KDM5C: variants seen among roughly 807,000 people sequenced by gnomAD.
KDM5C encodes lysine demethylase 5C.
In KDM5C, 16 loss-of-function variants were observed where a neutral mutation model predicts 110.6. That is an observed-to-expected ratio of 0.14 (90% CI 0.10 to 0.22). KDM5C has a LOEUF of 0.22. Ranked by LOEUF, KDM5C falls within the 10% of genes least tolerant of loss-of-function variation. The pLI, the probability that KDM5C is intolerant of heterozygous loss-of-function variation, is 1.00. For synonymous variants in KDM5C, 511 were observed against 520.4 expected, an observed-to-expected ratio of 0.98 and a Z score of 0.24; for missense variants, 681 against 1,300.9, an observed-to-expected ratio of 0.52 and a Z score of 7.33.
intron 25 of KDM5C, among the ~76,000 whole-genome samples, chrX:53,181,727 T>C (rs1328644167): frequency 1.1e-5 from 1 of 94,647 alleles, no homozygotes; most frequent in Non-Finnish European, 2.1e-5. Context: ...ACCTCCATAA[T>C]ATGTGAGAAC....
chrX:53,194,045 GA>G, intron 23 of KDM5C, 93 bp downstream of exon 23: 4 of 1,109,659 alleles, frequency 3.6e-6, no homozygotes, highest in Non-Finnish European at 3.7e-6. Context: ...AAAGAAAACT[GA>G]AAATTGGAGA....
In KDM5C at chrX:53,194,427, T is replaced by C; in HGVS notation, c.3750A>G (p.Ser1250=). 1 of 1,210,522 alleles carries C rather than the reference T, an allele frequency of 8.3e-7. No individual in the cohort carries two copies. Among genetic ancestry groups the C allele is most frequent in the Non-Finnish European group, 1.1e-6 (1 of 894,525 alleles). Reference sequence around the variant, plus strand: ...GGATGGTCTCCAGGCGCGGGCGCCTTGAGCGCATACACAGTGGACACAGGA... The same window carrying C: ...GGATGGTCTCCAGGCGCGGGCGCCTCGAGCGCATACACAGTGGACACAGGA... ...TKFLCPLCMR[S]RRPRLETILA... The change falls in exon 23 of 26, where the codon TCA becomes TCG. Residue 1250 remains serine (S), a synonymous_variant. Transcript: ENST00000375401.
At chrX:53,206,941 G>A (rs1267164051) in intron 12 of KDM5C, among the ~76,000 whole-genome samples, 3 of 102,093 alleles carry the variant, frequency 2.9e-5, no homozygotes, top group South Asian at 4.5e-4. Flanking sequence ...TTGGGAGGCC[G>A]AGGCAGGAGG....
At chrX:53,206,863 CAAAAAAAAAAAAAAAAA>C (rs58880985) in intron 12 of KDM5C, among the ~76,000 whole-genome samples, 11 of 22,344 alleles carry the variant, frequency 4.9e-4, no homozygotes, top group South Asian at 0.011. Context: ...GATTCCTTCT[CAAAAAAAAAAAAAAAAA>C]AAAAAAAAAA....
At chrX:53,207,352 C>T (rs782583408) in intron 12 of KDM5C, among the ~76,000 whole-genome samples, 1 of 111,121 alleles carries the variant, frequency 9.0e-6, no homozygotes, top group African/African-American at 3.3e-5. Context: ...TCTTTTGTTT[C>T]GTACTAAGTC....
chrX:53,204,088 G>A (rs1264118786), intron 12 of KDM5C, among the ~76,000 whole-genome samples: 1 of 111,303 alleles, frequency 9.0e-6, no homozygotes, highest in Admixed American at 9.6e-5. Flanking sequence ...TATTTAAGAG[G>A]AAGAGATTAA....
Position 53,213,273 on chromosome X carries a change from C to A in KDM5C, c.1123-1367G>T, listed in dbSNP as rs897751290. On this transcript the variant is annotated intron_variant, in intron 8 of 25. Transcript: ENST00000375401. ...TCAAGTAGAGTCGACAGTCTTGATACTGTTGGTATCCAAACTCCTCCCCAA... is the reference window on the plus strand; with the variant it reads ...TCAAGTAGAGTCGACAGTCTTGATAATGTTGGTATCCAAACTCCTCCCCAA... Among the ~76,000 whole-genome samples, 12 of 111,971 alleles carry A rather than the reference C, an allele frequency of 1.1e-4. No homozygotes were observed. The Admixed American group carries it at 1.1e-3, about 11-fold the overall frequency.
In KDM5C at chrX:53,210,314, C is replaced by T. The variant is rs911926603; in HGVS notation, c.1746+100G>A. 5 of 1,062,384 alleles carry T rather than the reference C, an allele frequency of 4.7e-6. No homozygotes were observed. In the African/African-American group the frequency reaches 9.3e-5, roughly 20 times the overall value. The allele number at this position is 1,062,384 out of a possible 1,213,427, so 87.6% of individuals were successfully genotyped here. A position where few individuals can be genotyped will look rare whatever the true frequency, so the allele number is the denominator to read the frequency against. ...AATTAAGAACAGCAATGAAGAAAGG[C>T]CAGGGGCAGAATACAGATGACAACC... On this transcript the variant is annotated intron_variant, in intron 12 of 25. Coordinates refer to ENST00000375401, the MANE Select transcript of KDM5C (RefSeq NM_004187.5).
In KDM5C at chrX:53,192,871, C is replaced by CCCCCCCCCCCCCCCCCCCA; in HGVS notation, c.*95_*96insTGGGGGGGGGGGGGGGGGG. On this transcript the variant is annotated 3_prime_UTR_variant, in exon 26 of 26. Transcript: ENST00000375401. ...GTAGCAGGGATGGCCACCCCCCTAC[C>CCCCCCCCCCCCCCCCCCCA]CGCCCACCCCCCAAGAAGCAGGCTT... is the stretch of plus-strand genomic sequence containing the variant. 1.5e-6 allele frequency: 1 copy of CCCCCCCCCCCCCCCCCCCA among 666,329 alleles called. No individual in the cohort carries two copies. The highest frequency in any genetic ancestry group is 2.1e-6 in the Non-Finnish European group (1 of 486,580). 54.9% of individuals were successfully genotyped at this position (666,329 alleles called of 1,213,427 possible).
At chrX:53,184,813 C>A (rs1934172194) in intron 25 of KDM5C, among the ~76,000 whole-genome samples, 1 of 111,625 alleles carries the variant, frequency 9.0e-6, no homozygotes, top group Non-Finnish European at 1.9e-5. Context: ...TTGGGTAGGG[C>A]CAAACTTTTC....
chrX:53,213,607 C>A (rs1460838594), intron 8 of KDM5C, among the ~76,000 whole-genome samples: 1 of 111,631 alleles, frequency 9.0e-6, no homozygotes, highest in Admixed American at 9.5e-5. Context: ...TGCTCTCCTG[C>A]TATACCTCTG....
downstream of KDM5C, among the ~76,000 whole-genome samples, chrX:53,190,982 T>G (rs1934393485): frequency 9.0e-6 from 1 of 111,525 alleles, no homozygotes; most frequent in Non-Finnish European, 1.9e-5. Flanking sequence ...GCTGACTGGC[T>G]TAGGGCTTCC....
chrX:53,192,861 A>ACCCGCCC lies in KDM5C; in HGVS notation c.*105_*106insGGGCGGG. 2 of 502,011 alleles carry ACCCGCCC rather than the reference A, an allele frequency of 4.0e-6. No homozygotes were observed. Among genetic ancestry groups the ACCCGCCC allele is most frequent in the Non-Finnish European group, 5.8e-6 (2 of 347,653 alleles). 41.4% of individuals were successfully genotyped at this position (502,011 alleles called of 1,213,427 possible). A position where few individuals can be genotyped will look rare whatever the true frequency, so the allele number is the denominator to read the frequency against. On this transcript the variant is annotated 3_prime_UTR_variant, in exon 26 of 26. Coordinates refer to ENST00000375401, the MANE Select transcript of KDM5C (RefSeq NM_004187.5). ...GGGTGGGCGGGTAGCAGGGATGGCC[A>ACCCGCCC]CCCCCCTACCCGCCCACCCCCCAAG...
intron 14 of KDM5C, 34 bp downstream of exon 14, chrX:53,201,516 G>A (rs782174888): frequency 5.0e-6 from 6 of 1,194,945 alleles, no homozygotes; most frequent in Non-Finnish European, 6.8e-6. Context: ...ACTTCCACCA[G>A]AATAGGGTGC....
chrX:53,198,227 C>G (rs2073024365), intron 17 of KDM5C, among the ~76,000 whole-genome samples: 1 of 111,672 alleles, frequency 9.0e-6, no homozygotes, highest in South Asian at 3.7e-4. Flanking sequence ...CCCTCAGCCT[C>G]TCTCTCAGGC....
intron 25 of KDM5C, among the ~76,000 whole-genome samples, chrX:53,181,133 A>AT (rs1315899689): frequency 9.2e-6 from 1 of 108,307 alleles, no homozygotes; most frequent in Non-Finnish European, 1.9e-5. Context: ...TTATATATAT[A>AT]TATTTTTTTT....
chrX:53,201,831 A>G, intron 13 of KDM5C, 23 bp downstream of exon 13: 2 of 1,211,759 alleles, frequency 1.7e-6, no homozygotes, highest in Non-Finnish European at 2.2e-6. Flanking sequence ...TCTCCCCACC[A>G]TCCCACCACA....
At chrX:53,201,242 A>G (rs1189410939) in intron 14 of KDM5C, 1 of 315,888 alleles carries the variant, frequency 3.2e-6, no homozygotes, top group African/African-American at 2.6e-5. Context: ...ATAATGATAA[A>G]TAGCTGCTAT....
At chrX:53,223,779 C>A (rs782134170) in intron 1 of KDM5C, among the ~76,000 whole-genome samples, 1 of 111,455 alleles carries the variant, frequency 9.0e-6, no homozygotes, top group Non-Finnish European at 1.9e-5. Context: ...TTCTGTTCTG[C>A]GGGCCCAAGA....
Sources: gnomAD v4.1 joint callset for allele counts (sites outside exome capture counted in the v4.1 genomes callset) on GRCh38, gnomAD v4.1.1 for gene constraint, MANE v1.5 for transcripts, NCBI Gene and HGNC (gene_info 2026-07-23, HGNC 2026-07-21) for gene names.